The following HDAC9 variants were observed in gnomAD, a reference collection of about 807,000 sequenced individuals.
HDAC9 encodes the protein MEF-2 interacting transcription repressor (MITR) protein.
In HDAC9, 41 loss-of-function variants were observed where a neutral mutation model predicts 139.4. That is an observed-to-expected ratio of 0.29 (90% CI 0.23 to 0.38). HDAC9 has a LOEUF of 0.38. Among genes scored for constraint, HDAC9 ranks in the 10% least tolerant of loss-of-function variants. The probability of loss-of-function intolerance (pLI) is 1.00; values close to 1 mark genes in which losing one functional copy is unlikely to be tolerated. For missense variants in HDAC9, 1,147 were observed against 1,297.0 expected, an observed-to-expected ratio of 0.88 and a Z score of 1.78; for synonymous variants, 517 against 476.2, an observed-to-expected ratio of 1.09 and a Z score of -1.12.
intron 2 of HDAC9, among the ~76,000 whole-genome samples, chr7:18,252,479 A>G (rs531871167): frequency 6.6e-6 from 1 of 152,322 alleles, no homozygotes; most frequent in East Asian, 1.9e-4. Flanking sequence ...TATATATCCT[A>G]CATACCCTAA....
intron 1 of HDAC9, among the ~76,000 whole-genome samples, chr7:18,444,629 AC>A (rs894364413): frequency 5.9e-5 from 9 of 151,630 alleles, no homozygotes; most frequent in African/African-American, 1.9e-4. Flanking sequence ...TTTTGCCAGA[AC>A]TTTTTTCTTC....
chr7:18,503,561 C>G lies in HDAC9; in HGVS notation c.22+7237C>G, dbSNP rs1210527181. ...ATTCATTATCATAATGTTAACTTTT[C>G]CATAGTAAAATAAGTGATGGGCTTT... On this transcript the variant is annotated intron_variant, in intron 2 of 25. Coordinates refer to ENST00000686413, the MANE Select transcript of HDAC9 (RefSeq NM_178425.4). Among the ~76,000 whole-genome samples, 5 of 152,038 alleles carry G rather than the reference C, an allele frequency of 3.3e-5. No homozygotes were observed. The East Asian group carries it at 9.6e-4, about 29-fold the overall frequency.
intron 1 of HDAC9, among the ~76,000 whole-genome samples, chr7:18,416,533 C>T (rs964340828): frequency 1.3e-5 from 2 of 151,746 alleles, no homozygotes; most frequent in African/African-American, 2.4e-5. Context: ...CATCAGGCCT[C>T]GTATTTTCTC....
chr7:18,458,641 G>A (rs1298442964), intron 1 of HDAC9, among the ~76,000 whole-genome samples: 2 of 152,138 alleles, frequency 1.3e-5, no homozygotes, highest in Non-Finnish European at 2.9e-5. Context: ...GTATCATGGC[G>A]AAAGGTCACA....
At chr7:18,527,600 G>A (rs1046805005) in intron 2 of HDAC9, among the ~76,000 whole-genome samples, 1 of 152,052 alleles carries the variant, frequency 6.6e-6, no homozygotes, top group Non-Finnish European at 1.5e-5. Flanking sequence ...TTATAATTAG[G>A]AGTCTGACAT....
intron 1 of HDAC9, among the ~76,000 whole-genome samples, chr7:18,103,193 T>C (rs559660201): frequency 6.6e-5 from 10 of 152,158 alleles, no homozygotes; most frequent in South Asian, 2.1e-4. Context: ...ATGGGAACAG[T>C]ATGGGGGAAA....
At chr7:18,195,643 G>T (rs569043946) in intron 2 of HDAC9, among the ~76,000 whole-genome samples, 2 of 152,200 alleles carry the variant, frequency 1.3e-5, no homozygotes, top group Admixed American at 1.3e-4. Context: ...TGCTTCAGCC[G>T]GGCCTGCTTC....
At chr7:18,786,194 C>T (rs1008344129) in intron 16 of HDAC9, among the ~76,000 whole-genome samples, 1 of 152,068 alleles carries the variant, frequency 6.6e-6, no homozygotes, top group Non-Finnish European at 1.5e-5. Context: ...CTTTTTATCC[C>T]TTATTCTGGA....
At chr7:18,915,194 C>T (rs1803078639) in intron 22 of HDAC9, among the ~76,000 whole-genome samples, 1 of 152,020 alleles carries the variant, frequency 6.6e-6, no homozygotes, top group Non-Finnish European at 1.5e-5. Context: ...ATCCTAAAAT[C>T]TTCTGTAAGG....
At chr7:18,571,054 C>G (rs1417443955) in intron 2 of HDAC9, among the ~76,000 whole-genome samples, 1 of 152,216 alleles carries the variant, frequency 6.6e-6, no homozygotes, top group African/African-American at 2.4e-5. Flanking sequence ...GGATATTTCT[C>G]TTTAGGAGCA....
Position 18,881,701 on chromosome 7 carries a change from T to A in HDAC9, c.2803+7105T>A, listed in dbSNP as rs1157172811. On this transcript the variant is annotated intron_variant, in intron 22 of 25. Coordinates refer to ENST00000686413, the MANE Select transcript of HDAC9 (RefSeq NM_178425.4). ...CCTGACTATGGTCTTTAAATGTAAG[T>A]GTATTTCACCTAATGTTATGGTTGT... 2.0e-5 allele frequency among the ~76,000 whole-genome samples: 3 copies of A among 152,286 alleles called. No homozygotes were observed. In the East Asian group the frequency reaches 5.8e-4, roughly 29 times the overall value.
chr7:18,753,973 T>G (rs1788666281), intron 14 of HDAC9, among the ~76,000 whole-genome samples: 1 of 152,090 alleles, frequency 6.6e-6, no homozygotes, highest in African/African-American at 2.4e-5. Context: ...AGTAAACATA[T>G]TGCTCTTAGT....
At position 18,916,401 on chromosome 7, in the gene HDAC9, G is replaced by A. The variant is rs138428661; in HGVS notation, c.2804-19408G>A. 9.1e-3 allele frequency among the ~76,000 whole-genome samples: 1,384 copies of A among 151,886 alleles called. 9 individuals are homozygous for A. The highest frequency in any genetic ancestry group is 0.013 in the Non-Finnish European group (882 of 67,952). On this transcript the variant is annotated intron_variant, in intron 22 of 25. Transcript: ENST00000686413. ...GAAAGTGAGGACACTGTGTCTCAGG[G>A]TGGCAAAGTGTTTTGCTCAAAATAA... is the stretch of plus-strand genomic sequence containing the variant.
intron 1 of HDAC9, among the ~76,000 whole-genome samples, chr7:18,333,369 A>G (rs929090168): frequency 7.9e-5 from 12 of 151,620 alleles, no homozygotes; most frequent in African/African-American, 2.4e-4. Context: ...ATAAAATTGT[A>G]CAGTATTAGG....
chr7:18,745,092 T>C (rs1489290341), intron 13 of HDAC9, among the ~76,000 whole-genome samples: 1 of 152,098 alleles, frequency 6.6e-6, no homozygotes, highest in Non-Finnish European at 1.5e-5. Context: ...GAATTCCATA[T>C]GAATTGCAAA....
intron 2 of HDAC9, among the ~76,000 whole-genome samples, chr7:18,228,299 T>C (rs1342854934): frequency 6.6e-6 from 1 of 151,922 alleles, no homozygotes; most frequent in Non-Finnish European, 1.5e-5. Context: ...GATAACCTTT[T>C]TTTTTTTTAA....
At chr7:18,171,882 A>T (rs184523764) in intron 2 of HDAC9, among the ~76,000 whole-genome samples, 13 of 152,330 alleles carry the variant, frequency 8.5e-5, no homozygotes, top group Admixed American at 8.5e-4. Flanking sequence ...ATCGATGTTC[A>T]TCAGGGATAT....
At chr7:18,543,536 C>T (rs943292701) in intron 2 of HDAC9, 1 of 152,164 alleles carries the variant, frequency 6.6e-6, no homozygotes, top group African/African-American at 2.4e-5. Flanking sequence ...ACATGCCTTT[C>T]TTCTCTACTT....
At chr7:18,865,970 A>G (rs1260350808) in intron 21 of HDAC9, among the ~76,000 whole-genome samples, 1 of 151,560 alleles carries the variant, frequency 6.6e-6, no homozygotes, top group East Asian at 1.9e-4. Context: ...TATAAATTAT[A>G]CAGGGGATCA....
Sources: allele counts gnomAD v4.1 joint callset (sites outside exome capture counted in the v4.1 genomes callset), GRCh38; gene constraint gnomAD v4.1.1; transcripts MANE v1.5; gene names NCBI Gene and HGNC (gene_info 2026-07-23, HGNC 2026-07-21).